COL4A3: variants seen among roughly 807,000 people sequenced by gnomAD.
The protein encoded by COL4A3 is collagen type IV alpha 3 chain.
Under a neutral mutation model 217.4 loss-of-function variants are expected in COL4A3, and 135 were observed. The observed-to-expected ratio is 0.62, with a 90% CI of 0.54 to 0.72. COL4A3 has a LOEUF of 0.72. COL4A3 is among the 30% of genes least tolerant of loss of function. The pLI is 0.00. For missense variants in COL4A3, 1,868 were observed against 2,119.9 expected, an observed-to-expected ratio of 0.88 and a Z score of 2.33; for synonymous variants, 690 against 736.3, an observed-to-expected ratio of 0.94 and a Z score of 1.02.
chr2:227,295,141 T>C, intron 40 of COL4A3, 79 bp downstream of exon 40: 1 of 1,525,486 alleles, frequency 6.6e-7, no homozygotes, highest in Non-Finnish European at 9.1e-7. Context: ...CCTTTGCTGC[T>C]CTAAAGATTT....
chr2:227,230,674 TTAAA>T (rs1184031822), intron 1 of COL4A3, among the ~76,000 whole-genome samples: 3 of 152,232 alleles, frequency 2.0e-5, no homozygotes, highest in Admixed American at 2.0e-4. Flanking sequence ...ATCTTTTAAA[TTAAA>T]TAATTCATTT....
Position 227,313,732 on chromosome 2 carries a change from C to T in COL4A3, c.*1862C>T, listed in dbSNP as rs980661432. The T allele has an allele frequency of 2.0e-5, 3 of 152,520 alleles. No individual in the cohort carries two copies. Among genetic ancestry groups the T allele is most frequent in the African/African-American group, 7.2e-5 (3 of 41,454 alleles). The allele number at this position is 152,520 out of a possible 1,614,324, so 9.4% of individuals were successfully genotyped here. Reference sequence around the variant, plus strand: ...GTGCAGCATTTCACTTATTTAGATTCACTTAACAAACAAATTTTTCTGCTT... The same window carrying T: ...GTGCAGCATTTCACTTATTTAGATTTACTTAACAAACAAATTTTTCTGCTT... On this transcript the variant is annotated 3_prime_UTR_variant, in exon 52 of 52. Coordinates refer to ENST00000396578, the MANE Select transcript of COL4A3 (RefSeq NM_000091.5).
intron 1 of COL4A3, among the ~76,000 whole-genome samples, chr2:227,232,922 T>TA (rs1283026823): frequency 6.6e-6 from 1 of 152,232 alleles, no homozygotes; most frequent in African/African-American, 2.4e-5. Context: ...AGCTAGCACT[T>TA]AAAGAGTTAG....
intron 1 of COL4A3, among the ~76,000 whole-genome samples, chr2:227,232,971 C>CAAA (rs1428625084): frequency 2.0e-5 from 3 of 152,110 alleles, no homozygotes; most frequent in Non-Finnish European, 2.9e-5. Context: ...ACTCTATAGT[C>CAAA]AGATTGTTCC....
chr2:227,177,236 G>A lies in COL4A3; in HGVS notation c.87+12423G>A, dbSNP rs1258394176. Among the ~76,000 whole-genome samples, 251 of 145,378 alleles carry A rather than the reference G, an allele frequency of 1.7e-3. 1 individual carries two copies. Among genetic ancestry groups the A allele is most frequent in the African/African-American group, 6.0e-3 (237 of 39,524 alleles). ...GCCATCTAGGCCCACTGCAAGCTCC[G>A]CCTCCCAGGTTCACACCATTCTCCT... On this transcript the variant is annotated intron_variant, in intron 1 of 51. Transcript: ENST00000396578.
intron 1 of COL4A3, among the ~76,000 whole-genome samples, chr2:227,213,014 CA>C (rs1385453330): frequency 2.0e-5 from 3 of 152,188 alleles, no homozygotes; most frequent in African/African-American, 7.2e-5. Flanking sequence ...CGTTCATAAA[CA>C]AACCTGTTTT....
At chr2:227,193,749 GA>G (rs1210591140) in intron 1 of COL4A3, among the ~76,000 whole-genome samples, 191 of 8,284 alleles carry the variant, frequency 0.023, 17 homozygotes, top group African/African-American at 0.048. Flanking sequence ...GGGAGGGAGG[GA>G]AGGAAGGAAG....
intron 4 of COL4A3, 146 bp from the exon 5 acceptor site, chr2:227,244,805 T>C (rs1258678782): frequency 3.6e-6 from 3 of 844,470 alleles, no homozygotes; most frequent in Non-Finnish European, 6.1e-6. Flanking sequence ...AAACCTTTAG[T>C]ATTTGTTTTC....
At chr2:227,280,104 T>C (rs1433222059) in intron 29 of COL4A3, among the ~76,000 whole-genome samples, 2 of 152,250 alleles carry the variant, frequency 1.3e-5, no homozygotes, top group African/African-American at 2.4e-5. Flanking sequence ...CATCGTGATA[T>C]CATCTTTAAT....
intron 1 of COL4A3, among the ~76,000 whole-genome samples, chr2:227,234,106 C>T (rs1259809982): frequency 1.3e-5 from 2 of 152,040 alleles, no homozygotes; most frequent in African/African-American, 4.8e-5. Context: ...ACAGAAGTAT[C>T]TGGGGTACAG....
chr2:227,249,212 G>C (rs1331394169), intron 9 of COL4A3, among the ~76,000 whole-genome samples: 1 of 33,218 alleles, frequency 3.0e-5, no homozygotes, highest in Non-Finnish European at 5.9e-5. Flanking sequence ...AAATTAGCTA[G>C]TATATATATA....
In COL4A3 at chr2:227,164,722, C is replaced by T; in HGVS notation, c.-5C>T. ...ACTCGCCCAGGCTCTGAGCGCGCGC[C>T]CACCATGAGCGCCCGGACCGCCCCC... On this transcript the variant is annotated 5_prime_UTR_variant, in exon 1 of 52. Coordinates refer to ENST00000396578, the MANE Select transcript of COL4A3 (RefSeq NM_000091.5). The surrounding 1 kb of genome is among the most constrained non-coding windows in gnomAD (Gnocchi z 4.8). 6.5e-7 allele frequency: 1 copy of T among 1,530,500 alleles called. No homozygotes were observed. The highest frequency in any genetic ancestry group is 8.7e-7 in the Non-Finnish European group (1 of 1,145,206). The allele number at this position is 1,530,500 out of a possible 1,614,324, so 94.8% of individuals were successfully genotyped here. A position where few individuals can be genotyped will look rare whatever the true frequency, so the allele number is the denominator to read the frequency against.
intron 7 of COL4A3, 89 bp downstream of exon 7, chr2:227,246,827 T>G (rs545138431): frequency 1.3e-5 from 15 of 1,163,920 alleles, no homozygotes; most frequent in Non-Finnish European, 2.0e-5. Flanking sequence ...AAATCCGTCA[T>G]GACTTTAGGG....
intron 1 of COL4A3, among the ~76,000 whole-genome samples, chr2:227,197,126 G>C (rs1330845929): frequency 6.6e-6 from 1 of 152,320 alleles, no homozygotes; most frequent in East Asian, 1.9e-4. Flanking sequence ...GGCCTCCCCA[G>C]CCACCTGGAA....
At chr2:227,188,443 A>G (rs966623741) in intron 1 of COL4A3, among the ~76,000 whole-genome samples, 1 of 151,500 alleles carries the variant, frequency 6.6e-6, no homozygotes, top group African/African-American at 2.4e-5. Flanking sequence ...ATACTTTTAC[A>G]TAACCCAGGC....
chr2:227,255,141 G>T (rs1446889661), intron 15 of COL4A3, among the ~76,000 whole-genome samples: 1 of 152,136 alleles, frequency 6.6e-6, no homozygotes, highest in Non-Finnish European at 1.5e-5. Context: ...GCCCAGCTTG[G>T]TCATATCTGG....
chr2:227,193,781 GAA>G (rs1352452432), intron 1 of COL4A3, among the ~76,000 whole-genome samples: 13 of 58,506 alleles, frequency 2.2e-4, no homozygotes, highest in Non-Finnish European at 2.4e-4. Flanking sequence ...AGGAAGGAAG[GAA>G]GGAAGGAAGG....
At chr2:227,285,277 T>TAAAAAAAAAAAAAAAAAAAA (rs764697409) in intron 34 of COL4A3, among the ~76,000 whole-genome samples, 1 of 72,374 alleles carries the variant, frequency 1.4e-5, no homozygotes, top group African/African-American at 5.7e-5. Context: ...CTGCCAAACC[T>TAAAAAAAAAAAAAAAAAAAA]AAAAAAAAAA....
chr2:227,203,328 T>C lies in COL4A3; in HGVS notation c.88-34640T>C, dbSNP rs1409910627. ...ATGTGTATATATACATATATGTGTATACATACATATATGTGTATATATGTG... is the reference window on the plus strand; with the variant it reads ...ATGTGTATATATACATATATGTGTACACATACATATATGTGTATATATGTG... On this transcript the variant is annotated intron_variant, in intron 1 of 51. Transcript: ENST00000396578. Among the ~76,000 whole-genome samples, 2 of 77,236 alleles carry C rather than the reference T, an allele frequency of 2.6e-5. 1 individual carries two copies. The highest frequency in any genetic ancestry group is 5.0e-5 in the Non-Finnish European group (2 of 39,748). 50.7% of individuals were successfully genotyped at this position (77,236 alleles called of 152,430 possible).
Sources: allele counts gnomAD v4.1 joint callset (sites outside exome capture counted in the v4.1 genomes callset), GRCh38; gene constraint gnomAD v4.1.1; non-coding constraint Gnocchi (gnomAD v3.1); transcripts MANE v1.5; gene names NCBI Gene and HGNC (gene_info 2026-07-23, HGNC 2026-07-21).